Variants in CPE observed in about 807,000 individuals in gnomAD.
CPE encodes carbocypeptidase E.
A neutral mutation model predicts 53.5 loss-of-function variants in CPE; 17 were observed. That is an observed-to-expected ratio of 0.32 (90% CI 0.22 to 0.48). CPE has a LOEUF of 0.48. Among genes scored for constraint, CPE ranks in the 20% least tolerant of loss-of-function variants. The pLI is 0.99. For missense variants in CPE, 524 were observed against 614.7 expected, an observed-to-expected ratio of 0.85 and a Z score of 1.56; for synonymous variants, 226 against 228.8, an observed-to-expected ratio of 0.99 and a Z score of 0.11.
At chr4:165,394,542 G>T (rs1209881273) in intron 1 of CPE, among the ~76,000 whole-genome samples, 2 of 151,950 alleles carry the variant, frequency 1.3e-5, no homozygotes, top group Admixed American at 6.6e-5. Context: ...GAAGTTAAGG[G>T]TGAATAATAT....
chr4:165,446,700 T>G (rs184506916), intron 1 of CPE, among the ~76,000 whole-genome samples: 10 of 152,314 alleles, frequency 6.6e-5, no homozygotes, highest in African/African-American at 2.2e-4. Context: ...TTGCTGGCCT[T>G]AGAATGAGTA....
intron 1 of CPE, among the ~76,000 whole-genome samples, chr4:165,429,276 C>T (rs1315211625): frequency 6.6e-6 from 1 of 152,110 alleles, no homozygotes; most frequent in African/African-American, 2.4e-5. Context: ...CATGTGGACT[C>T]GGAGTTATGA....
At chr4:165,493,369 T>A in intron 7 of CPE, 99 bp downstream of exon 7, 1 of 829,290 alleles carries the variant, frequency 1.2e-6, no homozygotes, top group African/African-American at 1.7e-5. Flanking sequence ...GCAAAACAAA[T>A]AGCTCGTATC....
At chr4:165,482,906 A>T (rs1732439137) in intron 4 of CPE, among the ~76,000 whole-genome samples, 1 of 151,964 alleles carries the variant, frequency 6.6e-6, no homozygotes, top group African/African-American at 2.4e-5. Context: ...ATATTTTCAA[A>T]TTGTTTTTTG....
intron 1 of CPE, among the ~76,000 whole-genome samples, chr4:165,383,025 C>T (rs112458438): frequency 5.3e-5 from 8 of 152,204 alleles, no homozygotes; most frequent in African/African-American, 1.9e-4. Context: ...AAGAGAGTTG[C>T]GAGTAGCAGC....
chr4:165,398,535 A>C (rs989398302), intron 1 of CPE, among the ~76,000 whole-genome samples: 1 of 152,238 alleles, frequency 6.6e-6, no homozygotes, highest in African/African-American at 2.4e-5. Context: ...TAAACATTTA[A>C]AAATGGAGAG....
intron 1 of CPE, among the ~76,000 whole-genome samples, chr4:165,416,924 A>G (rs550639810): frequency 1.3e-4 from 20 of 152,004 alleles, no homozygotes; most frequent in Non-Finnish European, 2.8e-4. Context: ...CCATGAATGA[A>G]TGGAATTTGG....
At chr4:165,402,755 T>G (rs931902957) in intron 1 of CPE, among the ~76,000 whole-genome samples, 1 of 152,198 alleles carries the variant, frequency 6.6e-6, no homozygotes. Flanking sequence ...CTCCGGTATT[T>G]CTTTATAGTA....
At chr4:165,400,822 G>T (rs1730853090) in intron 1 of CPE, among the ~76,000 whole-genome samples, 1 of 152,196 alleles carries the variant, frequency 6.6e-6, no homozygotes, top group Admixed American at 6.5e-5. Context: ...GGCAGTCACT[G>T]CATTACTCTC....
chr4:165,440,991 C>T (rs1731600605), intron 1 of CPE, among the ~76,000 whole-genome samples: 1 of 152,148 alleles, frequency 6.6e-6, no homozygotes, highest in Admixed American at 6.6e-5. Flanking sequence ...GCAGATGTCA[C>T]TGGGTGGCAA....
chr4:165,386,336 A>G (rs1429048259), intron 1 of CPE: 3 of 471,650 alleles, frequency 6.4e-6, no homozygotes, highest in South Asian at 1.6e-5. Flanking sequence ...TTGTTTATAT[A>G]TATTTTTTAA....
chr4:165,454,195 A>T (rs561404081), intron 1 of CPE, among the ~76,000 whole-genome samples: 1 of 152,360 alleles, frequency 6.6e-6, no homozygotes, highest in South Asian at 2.1e-4. Flanking sequence ...GAGAGTGATT[A>T]TCTGGGAGAG....
chr4:165,385,879 A>C (rs1312294656), intron 1 of CPE, among the ~76,000 whole-genome samples: 1 of 152,198 alleles, frequency 6.6e-6, no homozygotes. Flanking sequence ...AGTCCTGACT[A>C]ACTTAGTCTT....
chr4:165,451,785 C>T (rs774764982), intron 1 of CPE, among the ~76,000 whole-genome samples: 12 of 150,226 alleles, frequency 8.0e-5, no homozygotes, highest in East Asian at 1.9e-4. Context: ...CCACTGTGCT[C>T]GGCCCAGAAG....
intron 1 of CPE, among the ~76,000 whole-genome samples, chr4:165,412,924 G>A (rs892431704): frequency 2.0e-5 from 3 of 152,100 alleles, no homozygotes; most frequent in Non-Finnish European, 4.4e-5. Flanking sequence ...AATCTGTAAC[G>A]TTCCTCTGCT....
At chr4:165,392,840 A>G (rs1730706797) in intron 1 of CPE, among the ~76,000 whole-genome samples, 2 of 148,572 alleles carry the variant, frequency 1.3e-5, no homozygotes, top group Non-Finnish European at 3.0e-5. Flanking sequence ...GAACATAATT[A>G]TCTGGCACAT....
chr4:165,487,645 G>A, intron 6 of CPE, 68 bp downstream of exon 6: 1 of 1,550,848 alleles, frequency 6.4e-7, no homozygotes, highest in Non-Finnish European at 8.8e-7. Flanking sequence ...CAATGGTCTT[G>A]TAAGAGGAGT....
intron 3 of CPE, among the ~76,000 whole-genome samples, chr4:165,476,420 A>G (rs1360477546): frequency 6.6e-6 from 1 of 151,546 alleles, no homozygotes; most frequent in East Asian, 2.0e-4. Flanking sequence ...GCACATGCTC[A>G]CTTGAGGCGT....
chr4:165,405,242 G>T lies in CPE; in HGVS notation c.307+25714G>T. On this transcript the variant is annotated intron_variant, in intron 1 of 8. Transcript: ENST00000402744. Reference sequence around the variant, plus strand: ...ATCCACGGAGACTTGGGCAATGCCTGCTCCCATCATCCCTGCACCAGGAAT... The same window carrying T: ...ATCCACGGAGACTTGGGCAATGCCTTCTCCCATCATCCCTGCACCAGGAAT... The T allele has an allele frequency of 3.6e-6, 3 of 839,696 alleles. No homozygotes were observed. The South Asian group carries it at 4.0e-5, about 11-fold the overall frequency. 52.0% of individuals were successfully genotyped at this position (839,696 alleles called of 1,614,324 possible). A position where few individuals can be genotyped will look rare whatever the true frequency, so the allele number is the denominator to read the frequency against.
Sources: gnomAD v4.1 joint callset for allele counts (sites outside exome capture counted in the v4.1 genomes callset) on GRCh38, gnomAD v4.1.1 for gene constraint, MANE v1.5 for transcripts, NCBI Gene and HGNC (gene_info 2026-07-23, HGNC 2026-07-21) for gene names.